Variants in AFF1 observed in about 807,000 individuals in gnomAD.
The protein encoded by AFF1 is ALF transcription elongation factor 1.
In AFF1, 48 loss-of-function variants were observed where a neutral mutation model predicts 121.7. The ratio of observed to expected loss-of-function variants is 0.39; its 90% CI spans 0.31 to 0.50. The LOEUF (loss-of-function observed/expected upper bound fraction) is 0.50. Among genes scored for constraint, AFF1 ranks in the 20% least tolerant of loss-of-function variants. The probability of loss-of-function intolerance (pLI) is 0.76; values close to 1 mark genes in which losing one functional copy is unlikely to be tolerated. For missense variants in AFF1, 1,523 were observed against 1,511.7 expected (o/e 1.01, Z -0.12); for synonymous variants, 613 against 563.0 (o/e 1.09, Z -1.26).
chr4:87,101,493 C>G (rs1725427910), intron 8 of AFF1, among the ~76,000 whole-genome samples: 1 of 152,058 alleles, frequency 6.6e-6, no homozygotes. Flanking sequence ...AGGAGGGTCA[C>G]TTGAACCTGG....
chr4:87,006,512 T>C (rs1726132841), intron 2 of AFF1, among the ~76,000 whole-genome samples: 1 of 152,204 alleles, frequency 6.6e-6, no homozygotes. Flanking sequence ...GCGGGCTGTT[T>C]TGTAAATATT....
intron 2 of AFF1, among the ~76,000 whole-genome samples, chr4:86,999,172 A>T (rs1725493555): frequency 6.6e-6 from 1 of 152,072 alleles, no homozygotes; most frequent in South Asian, 2.1e-4. Flanking sequence ...TAAGGGGTTT[A>T]TTGCTGATCT....
intron 2 of AFF1, among the ~76,000 whole-genome samples, chr4:87,004,511 C>T (rs1725948113): frequency 6.6e-6 from 1 of 152,132 alleles, no homozygotes; most frequent in Non-Finnish European, 1.5e-5. Context: ...TCATGCAAAT[C>T]TCTTTACTGT....
chr4:87,008,378 G>A (rs773697655), intron 2 of AFF1, among the ~76,000 whole-genome samples: 2 of 152,212 alleles, frequency 1.3e-5, no homozygotes, highest in Non-Finnish European at 2.9e-5. Context: ...TGGGCTGGAT[G>A]AGACAATGTT....
intron 2 of AFF1, among the ~76,000 whole-genome samples, chr4:87,045,916 G>A (rs1560569730): frequency 1.3e-5 from 2 of 152,144 alleles, no homozygotes. Flanking sequence ...GAGCCATGAT[G>A]GAGACCATGG....
chr4:87,107,932 A>G (rs2149750955), intron 10 of AFF1, among the ~76,000 whole-genome samples: 1 of 152,280 alleles, frequency 6.6e-6, no homozygotes, highest in Admixed American at 6.5e-5. Flanking sequence ...TCAGGAGTAA[A>G]ATTTCACAGG....
At chr4:86,978,272 C>CA (rs1450777063) in intron 2 of AFF1, among the ~76,000 whole-genome samples, 1 of 143,722 alleles carries the variant, frequency 7.0e-6, no homozygotes, top group Non-Finnish European at 1.5e-5. Flanking sequence ...CAACCTCCAC[C>CA]TCCTGGGTTC....
chr4:87,006,992 AT>A (rs1321512942), intron 2 of AFF1: 1 of 1,070,272 alleles, frequency 9.3e-7, no homozygotes, highest in Non-Finnish European at 1.1e-6. Flanking sequence ...CCCAGAGGCA[AT>A]TTCTTTTCCT....
intron 2 of AFF1, among the ~76,000 whole-genome samples, chr4:87,012,673 A>T (rs1276796561): frequency 1.3e-5 from 2 of 152,224 alleles, no homozygotes; most frequent in Non-Finnish European, 2.9e-5. Context: ...AGCAGGTAGA[A>T]TGCACAGTGT....
At chr4:87,041,475 G>A (rs1730145483) in intron 2 of AFF1, among the ~76,000 whole-genome samples, 1 of 152,170 alleles carries the variant, frequency 6.6e-6, no homozygotes, top group African/African-American at 2.4e-5. Flanking sequence ...TAGAAACTCT[G>A]TAGGTCTCTG....
At chr4:87,093,802 C>T (rs1724556308) in intron 7 of AFF1, among the ~76,000 whole-genome samples, 1 of 152,196 alleles carries the variant, frequency 6.6e-6, no homozygotes, top group South Asian at 2.1e-4. Flanking sequence ...TGTCATTCAG[C>T]CCTGCCTAAA....
At chr4:86,951,032 T>A (rs896038352) in intron 2 of AFF1, among the ~76,000 whole-genome samples, 3 of 152,178 alleles carry the variant, frequency 2.0e-5, no homozygotes, top group Admixed American at 1.3e-4. Flanking sequence ...GGTCAACATA[T>A]GGGTTTTGGT....
At chr4:86,988,190 A>G (rs1724436680) in intron 2 of AFF1, among the ~76,000 whole-genome samples, 1 of 152,134 alleles carries the variant, frequency 6.6e-6, no homozygotes, top group Non-Finnish European at 1.5e-5. Context: ...GGAACATTTC[A>G]AACCTTCTCT....
chr4:87,129,872 A>G (rs1487664085), intron 16 of AFF1, among the ~76,000 whole-genome samples: 1 of 152,152 alleles, frequency 6.6e-6, no homozygotes, highest in Non-Finnish European at 1.5e-5. Context: ...GTGCAGCAGC[A>G]TGCCTAAGTA....
intron 12 of AFF1, among the ~76,000 whole-genome samples, chr4:87,121,420 A>G (rs1401307053): frequency 6.6e-6 from 1 of 151,966 alleles, no homozygotes; most frequent in African/African-American, 2.4e-5. Flanking sequence ...ACATCCATCC[A>G]CTTAAAGTTG....
intron 4 of AFF1, among the ~76,000 whole-genome samples, chr4:87,051,069 G>A (rs1444363748): frequency 2.0e-5 from 3 of 152,196 alleles, no homozygotes; most frequent in Admixed American, 2.0e-4. Flanking sequence ...AATAAGCAGA[G>A]ATGGGTATAC....
At chr4:87,121,564 T>C (rs1207969597) in intron 12 of AFF1, among the ~76,000 whole-genome samples, 1 of 151,932 alleles carries the variant, frequency 6.6e-6, no homozygotes, top group Non-Finnish European at 1.5e-5. Flanking sequence ...GATGACAAAG[T>C]TCTAAGTGCA....
rs563698305 is a variant in AFF1 at position 87,104,787 on chromosome 4, A to G, written c.1284-841A>G. On this transcript the variant is annotated intron_variant, in intron 8 of 20. Coordinates refer to ENST00000395146, the MANE Select transcript of AFF1 (RefSeq NM_001166693.3). ...TTTGACAACACATGTACAGATTGACAAATGTTTGCTTTTTACTATTTAGGT... is the reference window on the plus strand; with the variant it reads ...TTTGACAACACATGTACAGATTGACGAATGTTTGCTTTTTACTATTTAGGT... 4.6e-5 allele frequency among the ~76,000 whole-genome samples: 7 copies of G among 152,324 alleles called. No homozygotes were observed. In the South Asian group the frequency reaches 1.5e-3, roughly 32 times the overall value.
chr4:87,004,410 A>C (rs71605700), intron 2 of AFF1, among the ~76,000 whole-genome samples: 1 of 152,322 alleles, frequency 6.6e-6, no homozygotes, highest in South Asian at 2.1e-4. Flanking sequence ...TATTTTTAAA[A>C]CCCATTACAT....
Sources: gnomAD v4.1 joint callset for allele counts (sites outside exome capture counted in the v4.1 genomes callset) on GRCh38, gnomAD v4.1.1 for gene constraint, MANE v1.5 for transcripts, NCBI Gene and HGNC (gene_info 2026-07-23, HGNC 2026-07-21) for gene names.